Variants in YIF1B observed in about 807,000 individuals in gnomAD.
YIF1B encodes Yip1 interacting factor homolog B, membrane trafficking protein, also known as protein YIF1B.
A neutral mutation model predicts 34.6 loss-of-function variants in YIF1B; 24 were observed. That is an observed-to-expected ratio of 0.69 (90% CI 0.50 to 0.98). YIF1B has a LOEUF of 0.98. YIF1B is among the 50% of genes least tolerant of loss of function. The probability of loss-of-function intolerance (pLI) is 0.00; values close to 1 mark genes in which losing one functional copy is unlikely to be tolerated. For synonymous variants in YIF1B, 186 were observed against 184.8 expected, an observed-to-expected ratio of 1.01 and a Z score of -0.05; for missense variants, 368 against 429.4, an observed-to-expected ratio of 0.86 and a Z score of 1.26.
At chr19:38,312,549 G>A (rs139582801) in intron 1 of YIF1B, among the ~76,000 whole-genome samples, 71 of 152,258 alleles carry the variant, frequency 4.7e-4, no homozygotes, top group African/African-American at 1.6e-3. Flanking sequence ...CTGCCTCCAG[G>A]GCCTCTGTTC....
Position 38,304,336 on chromosome 19 carries a change from A to T in YIF1B, c.*1016T>A, listed in dbSNP as rs1968887306. ...GGTGCAGGGGGCCGGACTCAAGCCC[A>T]GAAGCTGCCTGCACCAACCACCCAA... is the stretch of plus-strand genomic sequence containing the variant. On this transcript the variant is annotated 3_prime_UTR_variant, in exon 8 of 8. Coordinates refer to ENST00000339413, the MANE Select transcript of YIF1B (RefSeq NM_001039672.3). The T allele has an allele frequency of 6.2e-7, 1 of 1,611,652 alleles. No homozygotes were observed. The highest frequency in any genetic ancestry group is 1.3e-5 in the African/African-American group (1 of 74,924).
At chr19:38,319,802 C>A, upstream of YIF1B, 3 of 808,098 alleles carry the variant, frequency 3.7e-6, no homozygotes, top group Non-Finnish European at 5.3e-6. Flanking sequence ...TCCGTCGCCG[C>A]CCCCCACCTC....
chr19:38,305,211 C>T lies in YIF1B; in HGVS notation c.*141G>A. The T allele has an allele frequency of 8.5e-7, 1 of 1,171,584 alleles. No homozygotes were observed. The highest frequency in any genetic ancestry group is 1.2e-6 in the Non-Finnish European group (1 of 859,192). 72.6% of individuals were successfully genotyped at this position (1,171,584 alleles called of 1,614,324 possible). A position where few individuals can be genotyped will look rare whatever the true frequency, so the allele number is the denominator to read the frequency against. ...ATCTCTCAGCACCTTGGGTTGGGGG[C>T]GGGGCTGGGCGGGACATGGGATGGA... On this transcript the variant is annotated 3_prime_UTR_variant, in exon 8 of 8. Coordinates refer to ENST00000339413, the MANE Select transcript of YIF1B (RefSeq NM_001039672.3).
chr19:38,313,262 C>CT (rs771234619), intron 1 of YIF1B, among the ~76,000 whole-genome samples: 19,152 of 107,302 alleles, frequency 0.18, 1,601 homozygotes, highest in Middle Eastern at 0.31. Flanking sequence ...CCAGAGTGAT[C>CT]TTTTTTTTTT....
At chr19:38,320,544 G>T (rs546612060), upstream of YIF1B, among the ~76,000 whole-genome samples, 2 of 147,958 alleles carry the variant, frequency 1.4e-5, no homozygotes, top group South Asian at 4.2e-4. Flanking sequence ...CCGTTCCTCG[G>T]TCTTTTTTTT....
chr19:38,305,466 A>G lies in YIF1B; in HGVS notation c.831T>C (p.Ala277=), dbSNP rs751624160. ...LRLKILADAA[A]EGVPVRGARN... is the part of the protein sequence containing the mutation. ...GGGCCCCACGCACCGGGACCCCCTCAGCTGCTGCGTCTGCCAAGATCTTCA... is the reference window on the plus strand; with the variant it reads ...GGGCCCCACGCACCGGGACCCCCTCGGCTGCTGCGTCTGCCAAGATCTTCA... The change falls in exon 8 of 8, where the codon GCT becomes GCC. Residue 277 remains alanine (A), a synonymous_variant. Coordinates refer to ENST00000339413, the MANE Select transcript of YIF1B (RefSeq NM_001039672.3). 4.4e-6 allele frequency: 7 copies of G among 1,608,840 alleles called. No individual in the cohort carries two copies. Among genetic ancestry groups the G allele is most frequent in the Non-Finnish European group, 5.9e-6 (7 of 1,177,100 alleles).
chr19:38,320,090 T>A (rs1460224442), upstream of YIF1B: 2 of 1,545,140 alleles, frequency 1.3e-6, no homozygotes, highest in East Asian at 4.9e-5. Context: ...CGGGCGCAGC[T>A]GCTTCAGCGC....
At chr19:38,315,758 A>G (rs757618222) in intron 1 of YIF1B, 102 bp downstream of exon 1, 2 of 1,605,786 alleles carry the variant, frequency 1.2e-6, no homozygotes, top group Admixed American at 1.7e-5. Context: ...TCAGGGTTCC[A>G]GATCCTTGAT....
At chr19:38,313,074 C>T (rs930564580) in intron 1 of YIF1B, among the ~76,000 whole-genome samples, 8 of 151,960 alleles carry the variant, frequency 5.3e-5, no homozygotes, top group African/African-American at 1.5e-4. Context: ...GCCTCAGCCT[C>T]CTGTGTAGCT....
upstream of YIF1B, chr19:38,320,029 C>A: frequency 6.7e-7 from 1 of 1,494,982 alleles, no homozygotes; most frequent in Non-Finnish European, 8.8e-7. Context: ...GTTGGTGGCG[C>A]GGCTGGAGGG....
chr19:38,316,954 C>A (rs1472378261), upstream of YIF1B, among the ~76,000 whole-genome samples: 1 of 152,190 alleles, frequency 6.6e-6, no homozygotes, highest in Non-Finnish European at 1.5e-5. Flanking sequence ...AGCCACAGTG[C>A]CCGGCCTTAA....
chr19:38,304,244 C>A lies in YIF1B; in HGVS notation c.*1108G>T, dbSNP rs372040444. 6.2e-7 allele frequency: 1 copy of A among 1,613,554 alleles called. No individual in the cohort carries two copies. The highest frequency in any genetic ancestry group is 8.5e-7 in the Non-Finnish European group (1 of 1,180,020). On this transcript the variant is annotated 3_prime_UTR_variant, in exon 8 of 8. Transcript: ENST00000339413. ...GCCCAGGCGCCCTTGGCCTTAGGAC[C>A]CAACTTCTCTTACCGCCATGGAGTT...
upstream of YIF1B, among the ~76,000 whole-genome samples, chr19:38,321,093 C>T (rs908481297): frequency 1.3e-5 from 2 of 152,160 alleles, no homozygotes; most frequent in Admixed American, 1.3e-4. Flanking sequence ...TTCTGGGAAA[C>T]CCCCCTGGAG....
At chr19:38,315,516 G>A (rs913415131) in intron 1 of YIF1B, 3 of 1,402,766 alleles carry the variant, frequency 2.1e-6, no homozygotes, top group Non-Finnish European at 2.8e-6. Flanking sequence ...GCTCCCGGGG[G>A]GCCACGAAGC....
At position 38,307,511 on chromosome 19, in the gene YIF1B, C is replaced by T. The variant is rs140083774; in HGVS notation, c.706G>A (p.Gly236Arg). The change falls in exon 7 of 8, where the codon GGG becomes AGG. Residue 236 changes from glycine (G) to arginine (R), a missense_variant. Around this residue, in one of 3 missense-constraint regions of YIF1B, gnomAD observed 208 missense variants for 247.8 expected, o/e 0.84. Transcript: ENST00000339413. ...CCGAAGAGCAGGCCCATGAGGACCC[C>T]GCCAATCATCCTGGGGGAGGGAGAG... is the stretch of plus-strand genomic sequence containing the variant. ...LGYKYVGMIG[G>R]VLMGLLFGKI... 34 of 1,613,774 alleles carry T rather than the reference C, an allele frequency of 2.1e-5. No individual in the cohort carries two copies. The highest frequency in any genetic ancestry group is 2.9e-5 in the Non-Finnish European group (34 of 1,180,016).
chr19:38,320,298 G>C (rs1969636171), upstream of YIF1B: 1 of 1,602,866 alleles, frequency 6.2e-7, no homozygotes, highest in African/African-American at 1.3e-5. Context: ...ACCGCAAGGC[G>C]GCGAGGACCC....
intron 1 of YIF1B, among the ~76,000 whole-genome samples, chr19:38,315,249 A>T (rs1410392125): frequency 5.9e-5 from 9 of 151,402 alleles, no homozygotes; most frequent in Admixed American, 5.9e-4. Context: ...AGGTCTCAAA[A>T]AAAAAAAAAA....
chr19:38,306,743 G>A (rs994061668), intron 7 of YIF1B: 13 of 269,834 alleles, frequency 4.8e-5, no homozygotes, highest in Non-Finnish European at 8.8e-5. Flanking sequence ...GCGCAGGTGT[G>A]CGATCTCGGC....
Position 38,304,323 on chromosome 19 carries a change from C to T in YIF1B, c.*1029G>A. 9.3e-6 allele frequency: 15 copies of T among 1,613,004 alleles called. No homozygotes were observed. The highest frequency in any genetic ancestry group is 1.3e-5 in the Non-Finnish European group (15 of 1,179,858). On this transcript the variant is annotated 3_prime_UTR_variant, in exon 8 of 8. Transcript: ENST00000339413. The stretch of plus-strand genomic sequence containing the variant: ...AGTGTGGACTGGAGGTGCAGGGGGC[C>T]GGACTCAAGCCCAGAAGCTGCCTGC...
Sources: allele counts gnomAD v4.1 joint callset (sites outside exome capture counted in the v4.1 genomes callset), GRCh38; gene constraint gnomAD v4.1.1; regional missense constraint gnomAD v4.1.1; transcripts MANE v1.5; gene names NCBI Gene and HGNC (gene_info 2026-07-23, HGNC 2026-07-21).